Variants in MYT1L observed in about 807,000 individuals in gnomAD.
MYT1L encodes myelin transcription factor 1 like, also known as myelin transcription factor 1-like protein.
In MYT1L, 12 loss-of-function variants were observed where a neutral mutation model predicts 126.7. That is an observed-to-expected ratio of 0.09 (90% CI 0.06 to 0.15). MYT1L has a LOEUF of 0.15. Among genes scored for constraint, MYT1L ranks in the 10% least tolerant of loss-of-function variants. The probability of loss-of-function intolerance (pLI) is 1.00; values close to 1 mark genes in which losing one functional copy is unlikely to be tolerated. For synonymous variants in MYT1L, 541 were observed against 604.2 expected, an observed-to-expected ratio of 0.90 and a Z score of 1.53; for missense variants, 979 against 1,585.2, an observed-to-expected ratio of 0.62 and a Z score of 6.49.
intron 1 of MYT1L, among the ~76,000 whole-genome samples, chr2:2,290,995 C>G (rs965775082): frequency 6.6e-6 from 1 of 152,044 alleles, no homozygotes; most frequent in African/African-American, 2.4e-5. Context: ...ATTGACAACA[C>G]CAGCCCACTC....
At chr2:2,171,103 G>T (rs2148528445) in intron 3 of MYT1L, among the ~76,000 whole-genome samples, 1 of 152,286 alleles carries the variant, frequency 6.6e-6, no homozygotes, top group East Asian at 1.9e-4. Context: ...ACTGAGGATG[G>T]CAGTCTCCAG....
intron 2 of MYT1L, among the ~76,000 whole-genome samples, chr2:2,210,792 C>T (rs1213509195): frequency 2.0e-5 from 3 of 152,158 alleles, no homozygotes; most frequent in Admixed American, 6.5e-5. Context: ...ATAGGAATTG[C>T]ATTAAATCTG....
intron 4 of MYT1L, among the ~76,000 whole-genome samples, chr2:2,038,226 T>C (rs2067107506): frequency 1.3e-5 from 2 of 152,242 alleles, no homozygotes; most frequent in South Asian, 4.1e-4. Context: ...ATGCCCCTTT[T>C]TATCACTATT....
intron 4 of MYT1L, among the ~76,000 whole-genome samples, chr2:2,027,956 T>C (rs1338719394): frequency 7.9e-5 from 12 of 152,206 alleles, no homozygotes; most frequent in Admixed American, 7.9e-4. Context: ...TGTCACTGTG[T>C]TATTATTGTT....
chr2:2,079,039 C>T (rs576891826), intron 3 of MYT1L, among the ~76,000 whole-genome samples: 1 of 152,270 alleles, frequency 6.6e-6, no homozygotes, highest in African/African-American at 2.4e-5. Flanking sequence ...AGACAAATGC[C>T]TGCCTATGAG....
intron 18 of MYT1L, among the ~76,000 whole-genome samples, chr2:1,867,668 A>G (rs1480142125): frequency 3.9e-5 from 6 of 152,082 alleles, no homozygotes; most frequent in Non-Finnish European, 7.4e-5. Context: ...TCCTCCAGAG[A>G]GGATGGAGGC....
At chr2:2,081,663 A>T (rs1025641086) in intron 3 of MYT1L, among the ~76,000 whole-genome samples, 1 of 152,224 alleles carries the variant, frequency 6.6e-6, no homozygotes. Flanking sequence ...AAAATGCAGG[A>T]AACTGCAAGG....
chr2:1,876,377 C>T (rs1052005972), intron 18 of MYT1L, among the ~76,000 whole-genome samples: 9 of 152,088 alleles, frequency 5.9e-5, no homozygotes, highest in South Asian at 2.1e-4. Context: ...TCGTGCCATC[C>T]GTGCCCAGGA....
chr2:2,136,596 G>T (rs1420311154), intron 3 of MYT1L, among the ~76,000 whole-genome samples: 1 of 152,178 alleles, frequency 6.6e-6, no homozygotes. Context: ...AAAAATCAAT[G>T]TATGTTCTTT....
At chr2:2,230,766 C>A (rs1416184783) in intron 2 of MYT1L, among the ~76,000 whole-genome samples, 3 of 152,218 alleles carry the variant, frequency 2.0e-5, no homozygotes, top group Non-Finnish European at 4.4e-5. Context: ...CCACTCCAAG[C>A]CATTTTCCCA....
intron 3 of MYT1L, among the ~76,000 whole-genome samples, chr2:2,132,930 T>C (rs34457193): frequency 0.036 from 5,418 of 152,228 alleles, 112 homozygotes; most frequent in East Asian, 0.081. Context: ...CAGTCCCCTG[T>C]CCTGTCCTTA....
chr2:1,954,554 A>T (rs1002817899), intron 8 of MYT1L, among the ~76,000 whole-genome samples: 7 of 152,018 alleles, frequency 4.6e-5, no homozygotes, highest in African/African-American at 1.7e-4. Context: ...TTGTGAAGAG[A>T]TTCTCTGCTT....
intron 1 of MYT1L, chr2:2,319,396 TTGCTGCGTTGGA>T (rs1198773259): frequency 4.9e-4 from 75 of 152,290 alleles, no homozygotes; most frequent in African/African-American, 1.8e-3. Context: ...AAGCAAAGGC[TTGCTGCGTTGGA>T]ACTCTGCATA....
intron 3 of MYT1L, among the ~76,000 whole-genome samples, chr2:2,119,089 T>C (rs12474274): frequency 5.3e-5 from 8 of 152,254 alleles, no homozygotes; most frequent in Admixed American, 5.2e-4. Flanking sequence ...GGTTTGCATT[T>C]ACACTGAAAC....
intron 3 of MYT1L, among the ~76,000 whole-genome samples, chr2:2,109,773 T>C (rs1287962552): frequency 6.6e-6 from 1 of 150,400 alleles, no homozygotes; most frequent in African/African-American, 2.4e-5. Context: ...AATTGGTTTG[T>C]AGGATTTCTC....
intron 8 of MYT1L, among the ~76,000 whole-genome samples, chr2:1,950,754 G>A (rs1193456524): frequency 6.6e-6 from 1 of 152,164 alleles, no homozygotes; most frequent in Non-Finnish European, 1.5e-5. Flanking sequence ...CCCAGGTGCT[G>A]TTCCTCCTAG....
chr2:2,236,907 AGGTT>A (rs1443586813), intron 2 of MYT1L, among the ~76,000 whole-genome samples: 3 of 150,024 alleles, frequency 2.0e-5, no homozygotes, highest in African/African-American at 7.4e-5. Flanking sequence ...TCTGCCTTCC[AGGTT>A]CAAGTAATTC....
At chr2:2,273,082 G>A (rs2095294524) in intron 2 of MYT1L, among the ~76,000 whole-genome samples, 1 of 152,092 alleles carries the variant, frequency 6.6e-6, no homozygotes, top group Non-Finnish European at 1.5e-5. Flanking sequence ...GGAATCCAAA[G>A]CCTGGCTTTG....
At chr2:2,042,019 G>A (rs377041359) in intron 4 of MYT1L, among the ~76,000 whole-genome samples, 8 of 152,090 alleles carry the variant, frequency 5.3e-5, no homozygotes, top group East Asian at 1.9e-4. Context: ...TTTTCAAGAC[G>A]GTAGATAGCA....
Sources: gnomAD v4.1 joint callset for allele counts (sites outside exome capture counted in the v4.1 genomes callset) on GRCh38, gnomAD v4.1.1 for gene constraint, MANE v1.5 for transcripts, NCBI Gene and HGNC (gene_info 2026-07-23, HGNC 2026-07-21) for gene names.